HCN1: variants seen among roughly 807,000 people sequenced by gnomAD.
HCN1 encodes potassium/sodium hyperpolarization-activated cyclic nucleotide-gated channel 1.
HCN1 carries 13 observed loss-of-function variants against 78.9 expected under a neutral mutation model. The ratio of observed to expected loss-of-function variants is 0.16; its 90% CI spans 0.11 to 0.26. HCN1 has a LOEUF of 0.26. Among genes scored for constraint, HCN1 ranks in the 10% least tolerant of loss-of-function variants. HCN1 has a pLI of 1.00. For synonymous variants in HCN1, 552 were observed against 455.5 expected, an observed-to-expected ratio of 1.21 and a Z score of -2.70; for missense variants, 810 against 1,154.3, an observed-to-expected ratio of 0.70 and a Z score of 4.32.
intron 5 of HCN1, among the ~76,000 whole-genome samples, chr5:45,304,550 C>T (rs1745690398): frequency 6.6e-6 from 1 of 151,986 alleles, no homozygotes; most frequent in African/African-American, 2.4e-5. Context: ...CTGGTGGGTG[C>T]CTGTAATCCC....
At chr5:45,658,536 G>C (rs955994249) in intron 1 of HCN1, among the ~76,000 whole-genome samples, 2 of 152,138 alleles carry the variant, frequency 1.3e-5, no homozygotes, top group African/African-American at 4.8e-5. Context: ...ATTTCCATCT[G>C]AGGTAACGGG....
At chr5:45,573,443 T>C (rs768051816) in intron 2 of HCN1, among the ~76,000 whole-genome samples, 2 of 151,500 alleles carry the variant, frequency 1.3e-5, no homozygotes, top group Non-Finnish European at 2.9e-5. Context: ...TTATTTATTT[T>C]CCTGAGGAGG....
chr5:45,389,764 T>C lies in HCN1; in HGVS notation c.1230+6728A>G, dbSNP rs957131683. Among the ~76,000 whole-genome samples the C allele has an allele frequency of 2.6e-5, 4 of 152,196 alleles. No homozygotes were observed. In the East Asian group the frequency reaches 5.8e-4, roughly 22 times the overall value. On this transcript the variant is annotated intron_variant, in intron 4 of 7. Coordinates refer to ENST00000303230, the MANE Select transcript of HCN1 (RefSeq NM_021072.4). Reference sequence around the variant, plus strand: ...AATGGGCTCAAATTCCTGCTTAACATATTTGTATTAATGATTCCATCAGAA... The same window carrying C: ...AATGGGCTCAAATTCCTGCTTAACACATTTGTATTAATGATTCCATCAGAA...
intron 2 of HCN1, among the ~76,000 whole-genome samples, chr5:45,640,799 T>C (rs2112025482): frequency 6.7e-6 from 1 of 149,314 alleles, no homozygotes; most frequent in Admixed American, 6.7e-5. Context: ...GGTCTCGAAC[T>C]CCTGACTTCA....
In HCN1 at chr5:45,695,999, G is replaced by C. The variant is rs773224896; in HGVS notation, c.95C>G (p.Pro32Arg). The C allele has an allele frequency of 1.2e-5, 15 of 1,291,170 alleles. No homozygotes were observed. Among genetic ancestry groups the C allele is most frequent in the South Asian group, 2.1e-5 (1 of 48,714 alleles). 80.0% of individuals were successfully genotyped at this position (1,291,170 alleles called of 1,614,324 possible). ...GCCCAGGCGCTTCTCGGCCGCGGCCGGCCCCGCGCCCGTCGCGGACGCCTT... is the reference window on the plus strand; with the variant it reads ...GCCCAGGCGCTTCTCGGCCGCGGCCCGCCCCGCGCCCGTCGCGGACGCCTT... ...PAKASATGAGPAAAEKRLGTP... is the reference protein window; with the variant it reads ...PAKASATGAGRAAAEKRLGTP... The change falls in exon 1 of 8, where the codon CCG becomes CGG. Residue 32 changes from proline to arginine, a missense_variant. Physicochemically the swap from Pro to Arg is moderately radical, Grantham distance 103 (BLOSUM62 -2). Coordinates refer to ENST00000303230, the MANE Select transcript of HCN1 (RefSeq NM_021072.4).
chr5:45,589,165 G>GT lies in HCN1; in HGVS notation c.849+56019dup, dbSNP rs554554042. ...TAACAGCAGCAATTGGAGATAGACT[G>GT]TAAGAATCAGCCTCAGAAGCTGTTT... On this transcript the variant is annotated intron_variant, in intron 2 of 7. Coordinates refer to ENST00000303230, the MANE Select transcript of HCN1 (RefSeq NM_021072.4). Among the ~76,000 whole-genome samples, 163 of 152,306 alleles carry GT rather than the reference G, an allele frequency of 1.1e-3. 1 individual carries two copies. The highest frequency in any genetic ancestry group is 2.3e-3 in the Admixed American group (35 of 15,284).
At chr5:45,628,751 G>T (rs1018162377) in intron 2 of HCN1, among the ~76,000 whole-genome samples, 1 of 151,876 alleles carries the variant, frequency 6.6e-6, no homozygotes, top group Non-Finnish European at 1.5e-5. Context: ...CAAGGCGGTG[G>T]GTCACCTGTC....
chr5:45,548,135 A>G (rs1743267509), intron 2 of HCN1, among the ~76,000 whole-genome samples: 2 of 151,960 alleles, frequency 1.3e-5, no homozygotes. Flanking sequence ...GTGTTTTAAT[A>G]ATTAACTCTA....
At chr5:45,682,797 G>T (rs1739728529) in intron 1 of HCN1, among the ~76,000 whole-genome samples, 1 of 151,920 alleles carries the variant, frequency 6.6e-6, no homozygotes, top group African/African-American at 2.4e-5. Context: ...AGAAATAGAT[G>T]ATAACCTGGA....
At chr5:45,690,880 A>T (rs1739896995) in intron 1 of HCN1, among the ~76,000 whole-genome samples, 2 of 152,056 alleles carry the variant, frequency 1.3e-5, no homozygotes, top group African/African-American at 4.8e-5. Context: ...CTCTATTTGA[A>T]AGTTCTTTTC....
At chr5:45,521,705 C>A (rs1742617176) in intron 2 of HCN1, among the ~76,000 whole-genome samples, 2 of 151,760 alleles carry the variant, frequency 1.3e-5, no homozygotes, top group African/African-American at 4.8e-5. Context: ...AGTACTTCAC[C>A]ATATCTTTTG....
intron 2 of HCN1, among the ~76,000 whole-genome samples, chr5:45,585,209 T>A (rs1744185734): frequency 6.6e-6 from 1 of 152,224 alleles, no homozygotes; most frequent in Admixed American, 6.5e-5. Context: ...CCATATTTCT[T>A]GGAGGCTTTG....
intron 2 of HCN1, among the ~76,000 whole-genome samples, chr5:45,567,607 A>G (rs1743735948): frequency 6.9e-6 from 1 of 145,668 alleles, no homozygotes; most frequent in African/African-American, 2.5e-5. Context: ...ACACACACAG[A>G]GTTATATACA....
At chr5:45,638,389 A>T (rs1260454591) in intron 2 of HCN1, among the ~76,000 whole-genome samples, 1 of 152,166 alleles carries the variant, frequency 6.6e-6, no homozygotes. Flanking sequence ...TGGGACAAGG[A>T]TTGGGCTAAT....
At chr5:45,488,103 C>A (rs1287292617) in intron 2 of HCN1, among the ~76,000 whole-genome samples, 4 of 152,018 alleles carry the variant, frequency 2.6e-5, no homozygotes, top group Non-Finnish European at 4.4e-5. Context: ...CAAGTCTTGG[C>A]TCAAATTTTA....
chr5:45,322,281 T>C (rs754808016), intron 5 of HCN1, among the ~76,000 whole-genome samples: 1 of 151,890 alleles, frequency 6.6e-6, no homozygotes, highest in Non-Finnish European at 1.5e-5. Context: ...AGGTGAATAC[T>C]GTGTTTGTGT....
intron 3 of HCN1, among the ~76,000 whole-genome samples, chr5:45,459,051 C>T (rs1238647897): frequency 2.6e-5 from 4 of 151,898 alleles, no homozygotes; most frequent in African/African-American, 9.7e-5. Flanking sequence ...CATCAAGATT[C>T]TCTCTTGATT....
chr5:45,587,479 C>T (rs1189386050), intron 2 of HCN1, among the ~76,000 whole-genome samples: 1 of 149,018 alleles, frequency 6.7e-6, no homozygotes, highest in Non-Finnish European at 1.5e-5. Flanking sequence ...TGTTCTCACT[C>T]ACAGGTGGGA....
chr5:45,480,312 G>C (rs78255224), intron 2 of HCN1, among the ~76,000 whole-genome samples: 1 of 151,936 alleles, frequency 6.6e-6, no homozygotes, highest in African/African-American at 2.4e-5. Flanking sequence ...TTCATAAGCT[G>C]GTTTGTGTTA....
Sources: allele counts gnomAD v4.1 joint callset (sites outside exome capture counted in the v4.1 genomes callset), GRCh38; gene constraint gnomAD v4.1.1; transcripts MANE v1.5; gene names NCBI Gene and HGNC (gene_info 2026-07-23, HGNC 2026-07-21).